KLHL4: variants seen among roughly 807,000 people sequenced by gnomAD.
KLHL4 encodes kelch-like protein 4.
Under a neutral mutation model 45.8 loss-of-function variants are expected in KLHL4, and 17 were observed. That is an observed-to-expected ratio of 0.37 (90% CI 0.25 to 0.56). The LOEUF is 0.56. KLHL4 is among the 20% of genes least tolerant of loss of function. KLHL4 has a pLI of 0.79. For synonymous variants in KLHL4, 224 were observed against 189.9 expected, an observed-to-expected ratio of 1.18 and a Z score of -1.47; for missense variants, 544 against 544.9, an observed-to-expected ratio of 1.00 and a Z score of 0.02.
At chrX:87,656,964 A>T (rs1011982112) in intron 9 of KLHL4, among the ~76,000 whole-genome samples, 3 of 111,625 alleles carry the variant, frequency 2.7e-5, no homozygotes, top group Non-Finnish European at 3.8e-5. Context: ...CTCTGTATGA[A>T]TTTTTTTCAT....
At chrX:87,609,174 G>A (rs1350741684) in intron 1 of KLHL4, among the ~76,000 whole-genome samples, 1 of 111,904 alleles carries the variant, frequency 8.9e-6, no homozygotes, top group Non-Finnish European at 1.9e-5. Context: ...GGACATTTGG[G>A]TTGGTTCCAA....
At chrX:87,534,138 G>A (rs1240921986) in intron 1 of KLHL4, among the ~76,000 whole-genome samples, 1 of 111,362 alleles carries the variant, frequency 9.0e-6, no homozygotes, top group Admixed American at 9.6e-5. Context: ...TAGAATAATG[G>A]GGGCAGTTCA....
At chrX:87,612,099 TAA>T (rs1157736158) in intron 1 of KLHL4, among the ~76,000 whole-genome samples, 1 of 111,920 alleles carries the variant, frequency 8.9e-6, no homozygotes, top group African/African-American at 3.3e-5. Flanking sequence ...AAGCTATGAT[TAA>T]GTTATTATTA....
chrX:87,659,544 T>C (rs1416149838), intron 9 of KLHL4, among the ~76,000 whole-genome samples: 1 of 110,066 alleles, frequency 9.1e-6, no homozygotes, highest in Non-Finnish European at 1.9e-5. Flanking sequence ...TTTTAAATTG[T>C]CATTTTATTT....
Position 87,650,741 on chromosome X carries a change from T to C in KLHL4, c.1926-14023T>C, listed in dbSNP as rs757205549. Among the ~76,000 whole-genome samples the C allele has an allele frequency of 4.5e-5, 5 of 111,793 alleles. No homozygotes were observed. The South Asian group carries it at 1.9e-3, about 42-fold the overall frequency. ...AAGTCTCCAATCCATTGTATTAGTC[T>C]ATATTCATGCTGCTGATAAAGACAT... On this transcript the variant is annotated intron_variant, in intron 9 of 10. Coordinates refer to ENST00000373119, the MANE Select transcript of KLHL4 (RefSeq NM_019117.5).
chrX:87,631,405 C>T (rs771155958), intron 6 of KLHL4, among the ~76,000 whole-genome samples: 6 of 111,934 alleles, frequency 5.4e-5, no homozygotes, highest in South Asian at 3.7e-4. Context: ...AAAGGTAATT[C>T]CACCAAGGAT....
At chrX:87,526,255 A>G (rs1176615011) in intron 1 of KLHL4, among the ~76,000 whole-genome samples, 1 of 112,390 alleles carries the variant, frequency 8.9e-6, no homozygotes, top group Non-Finnish European at 1.9e-5. Context: ...GTATGTTGCA[A>G]CGTGCCAAAA....
Position 87,616,830 on chromosome X carries a change from C to T in KLHL4, c.728-1102C>T, listed in dbSNP as rs376568327. Among the ~76,000 whole-genome samples, 3 of 111,351 alleles carry T rather than the reference C, an allele frequency of 2.7e-5. No homozygotes were observed. In the East Asian group the frequency reaches 8.5e-4, roughly 31 times the overall value. ...TCTCCCTTCAAAATCAAAACAAGAA[C>T]AATACAAGAGAGTCTGCTGATGGGC... On this transcript the variant is annotated intron_variant, in intron 3 of 10. Coordinates refer to ENST00000373119, the MANE Select transcript of KLHL4 (RefSeq NM_019117.5).
intron 6 of KLHL4, among the ~76,000 whole-genome samples, chrX:87,626,557 C>T (rs1308218462): frequency 9.1e-6 from 1 of 109,356 alleles, no homozygotes; most frequent in Non-Finnish European, 1.9e-5. Context: ...TTTACACTGC[C>T]GTTGTGAAAT....
Position 87,667,457 on chromosome X carries a change from C to T in KLHL4, c.*923C>T. On this transcript the variant is annotated 3_prime_UTR_variant, in exon 11 of 11. Transcript: ENST00000373119. Reference sequence around the variant, plus strand: ...GTACCTTAAAATTGAGGATGTTACTCAGTGTTAACACATGGGAACACCAAA... The same window carrying T: ...GTACCTTAAAATTGAGGATGTTACTTAGTGTTAACACATGGGAACACCAAA... 1 of 700,200 alleles carries T rather than the reference C, an allele frequency of 1.4e-6. No homozygotes were observed. The highest frequency in any genetic ancestry group is 1.7e-6 in the Non-Finnish European group (1 of 590,312). 57.7% of individuals were successfully genotyped at this position (700,200 alleles called of 1,213,427 possible). A position where few individuals can be genotyped will look rare whatever the true frequency, so the allele number is the denominator to read the frequency against.
Position 87,651,535 on chromosome X carries a change from G to A in KLHL4, c.1926-13229G>A, listed in dbSNP as rs918148224. 5.3e-5 allele frequency among the ~76,000 whole-genome samples: 6 copies of A among 112,282 alleles called. No individual in the cohort carries two copies. In the East Asian group the frequency reaches 8.5e-4, roughly 16 times the overall value. On this transcript the variant is annotated intron_variant, in intron 9 of 10. Transcript: ENST00000373119. ...TGAGTAAATACATCCATTACAAATG[G>A]GAAAAAATGACCAAAGCAAAGGGGC...
At chrX:87,660,928 G>A (rs1924167128) in intron 9 of KLHL4, among the ~76,000 whole-genome samples, 1 of 112,381 alleles carries the variant, frequency 8.9e-6, no homozygotes, top group Non-Finnish European at 1.9e-5. Context: ...GAGAAAGATT[G>A]ATATGGAAAA....
chrX:87,587,150 CAA>C (rs1197848253), intron 1 of KLHL4, among the ~76,000 whole-genome samples: 28 of 47,828 alleles, frequency 5.9e-4, no homozygotes, highest in Middle Eastern at 0.013. Flanking sequence ...TAAAATAAAG[CAA>C]AAAAAAAAAA....
At chrX:87,524,085 G>A (rs919103027) in intron 1 of KLHL4, among the ~76,000 whole-genome samples, 12 of 111,524 alleles carry the variant, frequency 1.1e-4, no homozygotes, top group African/African-American at 3.6e-4. Flanking sequence ...CAGAATACTG[G>A]GCCTTAAGTG....
chrX:87,587,102 C>T (rs2147798020), intron 1 of KLHL4, among the ~76,000 whole-genome samples: 1 of 62,698 alleles, frequency 1.6e-5, no homozygotes, highest in East Asian at 5.6e-4. Context: ...AGATGAATAA[C>T]AAGTAATGAG....
chrX:87,650,088 G>C (rs1033938293), intron 9 of KLHL4, among the ~76,000 whole-genome samples: 2 of 110,988 alleles, frequency 1.8e-5, no homozygotes, highest in South Asian at 3.8e-4. Context: ...TGAATCTGTA[G>C]ATCACATTGT....
intron 1 of KLHL4, among the ~76,000 whole-genome samples, chrX:87,604,590 A>T (rs1231191148): frequency 9.0e-6 from 1 of 110,657 alleles, no homozygotes; most frequent in African/African-American, 3.3e-5. Flanking sequence ...ATGACTATTA[A>T]AGTATTTTGA....
At chrX:87,638,506 C>T (rs1923342977) in intron 9 of KLHL4, among the ~76,000 whole-genome samples, 1 of 112,056 alleles carries the variant, frequency 8.9e-6, no homozygotes, top group African/African-American at 3.2e-5. Flanking sequence ...TTAGTAGAAA[C>T]TCTACAAGCT....
intron 1 of KLHL4, among the ~76,000 whole-genome samples, chrX:87,553,589 G>T (rs897522997): frequency 3.6e-5 from 4 of 109,864 alleles, no homozygotes; most frequent in African/African-American, 1.3e-4. Context: ...CTCATTAACA[G>T]TGGTCTCTAC....
Sources: allele counts gnomAD v4.1 joint callset (sites outside exome capture counted in the v4.1 genomes callset), GRCh38; gene constraint gnomAD v4.1.1; transcripts MANE v1.5; gene names NCBI Gene and HGNC (gene_info 2026-07-23, HGNC 2026-07-21).